The following PRH1 variants were observed in gnomAD, a reference collection of about 807,000 sequenced individuals.
PRH1 encodes the protein salivary acidic proline-rich phosphoprotein 1/2.
Under a neutral mutation model 7.9 loss-of-function variants are expected in PRH1, and 7 were observed. The ratio of observed to expected loss-of-function variants is 0.89; its 90% confidence interval spans 0.50 to 1.67. The LOEUF (loss-of-function observed/expected upper bound fraction) is 1.67, where lower values mean the gene tolerates loss of function less well. Among genes scored for constraint, PRH1 ranks in the 40% most tolerant of loss-of-function variants. The pLI is 0.00. For synonymous variants in PRH1, 45 were observed against 80.8 expected, an observed-to-expected ratio of 0.56 and a Z score of 2.38; for missense variants, 109 against 223.6, an observed-to-expected ratio of 0.49 and a Z score of 3.27.
At chr12:11,107,808 C>T (rs1945467729) in intron 1 of PRH1, among the ~76,000 whole-genome samples, 1 of 152,034 alleles carries the variant, frequency 6.6e-6, no homozygotes, top group African/African-American at 2.4e-5. Context: ...TGGTTTTTCT[C>T]AAAAAACAAT....
Position 10,883,071 on chromosome 12 carries a change from G to A in PRH1, c.90C>T (p.Leu30=), listed in dbSNP as rs754663240. 32 of 1,613,110 alleles carry A rather than the reference G, an allele frequency of 2.0e-5. No homozygotes were observed. Among genetic ancestry groups the A allele is most frequent in the African/African-American group, 2.7e-5 (2 of 74,886 alleles). Reference sequence around the variant, plus strand: ...TTTATTGGGATTTACCTGATATTACGAGGGGAACATCTTCCTGGCTGACAT... The same window carrying A: ...TTTATTGGGATTTACCTGATATTACAAGGGGAACATCTTCCTGGCTGACAT... ...NEDVSQEDVP[L]VISDGGDSEQ... The change falls in exon 2 of 4, where the codon CTC becomes CTT. Residue 30 remains leucine (L), a synonymous_variant. Coordinates refer to ENST00000543626, the MANE Select transcript of PRH1 (RefSeq NM_001393989.1).
chr12:10,897,137 C>T (rs560078408), intron 2 of PRH1, among the ~76,000 whole-genome samples: 46 of 152,130 alleles, frequency 3.0e-4, no homozygotes, highest in African/African-American at 9.2e-4. Context: ...GCCAAGAAAG[C>T]GATATTTGAC....
chr12:11,153,215 T>C (rs1420633025), intron 1 of PRH1, among the ~76,000 whole-genome samples: 2 of 152,244 alleles, frequency 1.3e-5, no homozygotes, highest in East Asian at 3.9e-4. Flanking sequence ...CTAGAAAACT[T>C]GGAGAAAGAA....
chr12:10,882,216 C>T lies in PRH1; in HGVS notation c.*18+1G>A, dbSNP rs746769950. 8.1e-6 allele frequency: 13 copies of T among 1,613,632 alleles called. No individual in the cohort carries two copies. In the East Asian group the frequency reaches 2.9e-4, roughly 36 times the overall value. ...TGATGGATAATAAACTGGAATCGTA[C>T]CTGTCATTGAATCCTAGATTACTGA... On this transcript the variant is annotated splice_donor_variant, in intron 3 of 3. Transcript: ENST00000543626. LOFTEE classifies it low-confidence loss of function (3UTR_SPLICE).
rs145605050 is a variant in PRH1 at position 10,981,066 on chromosome 12, A to C, written c.-125-7345T>G. On this transcript the variant is annotated intron_variant, in intron 1 of 3. Coordinates refer to the PRH1 transcript ENST00000539853. ...CAGCCTTTAACATTGAAAATGGAAA[A>C]CCCTCAGCCAGTTCTCAGGGCTGAG... 4.3e-3 allele frequency among the ~76,000 whole-genome samples: 659 copies of C among 152,232 alleles called. 5 individuals are homozygous for C. Among genetic ancestry groups the C allele is most frequent in the African/African-American group, 0.015 (637 of 41,552 alleles).
intron 2 of PRH1, among the ~76,000 whole-genome samples, chr12:10,953,953 A>G (rs1937819669): frequency 1.3e-5 from 2 of 152,214 alleles, no homozygotes; most frequent in African/African-American, 4.8e-5. Flanking sequence ...ATGGGGGCTC[A>G]TATTCAGAAA....
At chr12:10,930,181 A>G in intron 2 of PRH1, 1 of 1,458,212 alleles carries the variant, frequency 6.9e-7, no homozygotes, top group Non-Finnish European at 9.6e-7. Context: ...ACAGGGTGTG[A>G]TCAGAGGTCC....
chr12:10,891,722 A>G (rs1431318532), intron 2 of PRH1: 1 of 152,216 alleles, frequency 6.6e-6, no homozygotes, highest in African/African-American at 2.4e-5. Flanking sequence ...TCAGAGGAAT[A>G]TCATCGTACT....
At chr12:11,101,699 A>C (rs565223643) in intron 1 of PRH1, among the ~76,000 whole-genome samples, 2 of 152,276 alleles carry the variant, frequency 1.3e-5, no homozygotes, top group Non-Finnish European at 2.9e-5. Flanking sequence ...AGTAATAACA[A>C]CTAATAAACA....
intron 1 of PRH1, chr12:11,133,864 ACTCTTAACTCTC>A (rs1472516661): frequency 6.2e-7 from 1 of 1,613,934 alleles, no homozygotes. Context: ...CCAGAACAAC[ACTCTTAACTCTC>A]CTCTTTATGC....
At chr12:11,031,166 C>A in intron 1 of PRH1, 1 of 1,614,194 alleles carries the variant, frequency 6.2e-7, no homozygotes, top group Non-Finnish European at 8.5e-7. Context: ...CCAGAGCAAA[C>A]CAACTCTGGA....
chr12:10,926,010 C>T lies in PRH1; in HGVS notation c.-58-41735G>A, dbSNP rs371257198. On this transcript the variant is annotated intron_variant, in intron 2 of 3. Transcript: ENST00000539853. ...GTTTAAAAATGTTTTCTATTATAAC[C>T]AATTTGGCTAGGATAGGTGGAAAGA... 9.9e-5 allele frequency among the ~76,000 whole-genome samples: 15 copies of T among 152,106 alleles called. No individual in the cohort carries two copies. In the East Asian group the frequency reaches 1.7e-3, roughly 18 times the overall value.
intron 2 of PRH1, among the ~76,000 whole-genome samples, chr12:10,955,619 A>G (rs1937915712): frequency 6.6e-6 from 1 of 152,132 alleles, no homozygotes; most frequent in Non-Finnish European, 1.5e-5. Context: ...AAAAAAACAT[A>G]CAAAAGGTCA....
At chr12:10,907,131 C>T (rs755331164) in intron 2 of PRH1, among the ~76,000 whole-genome samples, 18 of 152,082 alleles carry the variant, frequency 1.2e-4, no homozygotes, top group Non-Finnish European at 1.8e-4. Flanking sequence ...CTGAAACACT[C>T]GTATATTGCT....
At chr12:11,081,180 A>G (rs1457531208) in intron 1 of PRH1, among the ~76,000 whole-genome samples, 1 of 137,814 alleles carries the variant, frequency 7.3e-6, no homozygotes, top group Non-Finnish European at 1.6e-5. Context: ...GTATATTTCC[A>G]TCTCTTTCTC....
chr12:11,064,661 C>T (rs1357770772), intron 1 of PRH1, among the ~76,000 whole-genome samples: 3 of 152,098 alleles, frequency 2.0e-5, no homozygotes, highest in East Asian at 3.9e-4. Flanking sequence ...TATATAATTA[C>T]CCCAACAAGA....
intron 2 of PRH1, among the ~76,000 whole-genome samples, chr12:10,918,537 G>C (rs1191132360): frequency 2.0e-5 from 3 of 152,112 alleles, no homozygotes; most frequent in African/African-American, 7.2e-5. Flanking sequence ...CGTAGAAATG[G>C]GTGAAGTCCA....
At chr12:10,956,573 A>C (rs1043717519) in intron 2 of PRH1, among the ~76,000 whole-genome samples, 1 of 152,176 alleles carries the variant, frequency 6.6e-6, no homozygotes, top group Non-Finnish European at 1.5e-5. Flanking sequence ...TGGTCAAAGC[A>C]ATCAGGAAGA....
intron 1 of PRH1, among the ~76,000 whole-genome samples, chr12:11,127,923 G>A (rs184012471): frequency 2.0e-4 from 31 of 151,752 alleles, no homozygotes; most frequent in Middle Eastern, 3.4e-3. Flanking sequence ...TGGCTAACAC[G>A]GTGAAACCTC....
Sources: allele counts gnomAD v4.1 joint callset (sites outside exome capture counted in the v4.1 genomes callset), GRCh38; gene constraint gnomAD v4.1.1; transcripts MANE v1.5; gene names NCBI Gene and HGNC (gene_info 2026-07-23, HGNC 2026-07-21).